HJURP: variants seen among roughly 807,000 people sequenced by gnomAD.
The protein encoded by HJURP is 14-3-3-associated AKT substrate.
Under a neutral mutation model 72.0 loss-of-function variants are expected in HJURP, and 49 were observed. That is an observed-to-expected ratio of 0.68 (90% CI 0.54 to 0.86). HJURP has a LOEUF of 0.86. HJURP is among the 40% of genes least tolerant of loss of function. HJURP has a pLI of 0.00. For missense variants in HJURP, 908 were observed against 936.3 expected, an observed-to-expected ratio of 0.97 and a Z score of 0.39; for synonymous variants, 357 against 347.1, an observed-to-expected ratio of 1.03 and a Z score of -0.32.
chr2:233,843,681 G>C (rs1310188882), intron 7 of HJURP, among the ~76,000 whole-genome samples: 1 of 152,164 alleles, frequency 6.6e-6, no homozygotes, highest in Non-Finnish European at 1.5e-5. Flanking sequence ...GAAACGATCA[G>C]GCAAACCAGA....
chr2:233,837,357 GC>G lies in HJURP; in HGVS notation c.*219del. The G allele has an allele frequency of 2.7e-6, 1 of 363,922 alleles. No homozygotes were observed. Among genetic ancestry groups the G allele is most frequent in the Middle Eastern group, 7.9e-4 (1 of 1,260 alleles). 22.5% of individuals were successfully genotyped at this position (363,922 alleles called of 1,614,324 possible). A position where few individuals can be genotyped will look rare whatever the true frequency, so the allele number is the denominator to read the frequency against. ...AAAAACACACACATCAGAAAAACAG[GC>G]CTATCAAAGAGAACCCTAAAAATTC... On this transcript the variant is annotated 3_prime_UTR_variant, in exon 9 of 9. Transcript: ENST00000411486.
At chr2:233,842,317 C>T (rs1432190153) in intron 7 of HJURP, 112 bp from the exon 8 acceptor site, 11 of 794,614 alleles carry the variant, frequency 1.4e-5, no homozygotes, top group Non-Finnish European at 2.2e-5. Flanking sequence ...TAAGCAATAG[C>T]AAAAACAAAA....
chr2:233,849,893 T>G (rs685139), intron 3 of HJURP, 34 bp from the exon 4 acceptor site: 2 of 1,286,754 alleles, frequency 1.6e-6, no homozygotes, highest in African/African-American at 1.5e-5. Flanking sequence ...AACATGGTTG[T>G]TTGAGTGACA....
chr2:233,841,353 C>T lies in HJURP; in HGVS notation c.1427G>A (p.Gly476Asp), dbSNP rs1328387019. Residue 476 changes from glycine to aspartate, a missense_variant, in exon 8 of 9, where the codon GGC becomes GAC. Gly to Asp is a moderately conservative substitution (Grantham distance 94, BLOSUM62 -1). Coordinates refer to ENST00000411486, the MANE Select transcript of HJURP (RefSeq NM_018410.5). ...CCTGCGGGTTTCTAAGCCCTGAAGG[C>T]CACCAGGACTCGCAGGACCCCCTCT... is the stretch of plus-strand genomic sequence containing the variant. ...MYRGGPASPGGLQGLETRRLS... is the reference protein window; with the variant it reads ...MYRGGPASPGDLQGLETRRLS... The T allele has an allele frequency of 6.2e-7, 1 of 1,614,014 alleles. No homozygotes were observed. Among genetic ancestry groups the T allele is most frequent in the Non-Finnish European group, 8.5e-7 (1 of 1,180,036 alleles).
At chr2:233,847,489 C>A (rs773548752) in intron 4 of HJURP, 28 bp from the exon 5 acceptor site, 7 of 1,589,778 alleles carry the variant, frequency 4.4e-6, no homozygotes, top group Non-Finnish European at 6.0e-6. Context: ...AAATCTCAAT[C>A]AGGATTTTCA....
intron 8 of HJURP, among the ~76,000 whole-genome samples, chr2:233,838,727 G>T (rs1338935283): frequency 6.6e-6 from 1 of 152,222 alleles, no homozygotes; most frequent in Admixed American, 6.5e-5. Flanking sequence ...CAACTGAGAA[G>T]GAGACTCTTG....
chr2:233,847,718 A>T (rs1399606125), intron 4 of HJURP, among the ~76,000 whole-genome samples: 6 of 152,176 alleles, frequency 3.9e-5, no homozygotes, highest in Admixed American at 3.9e-4. Flanking sequence ...ATGGCCTCTG[A>T]GCCTGGAAGT....
chr2:233,854,513 G>C lies in HJURP; in HGVS notation c.-13C>G. 1 of 1,593,370 alleles carries C rather than the reference G, an allele frequency of 6.3e-7. No individual in the cohort carries two copies. The highest frequency in any genetic ancestry group is 1.1e-5 in the South Asian group (1 of 89,702). The stretch of plus-strand genomic sequence containing the variant: ...GCGTACCCAGCATCGGACCCAGCCA[G>C]TACCCAAGCGCCAACCCGGACTGCA... On this transcript the variant is annotated 5_prime_UTR_variant, in exon 1 of 9. Coordinates refer to ENST00000411486, the MANE Select transcript of HJURP (RefSeq NM_018410.5).
rs767573385 is a variant in HJURP, at chr2:233,845,855, C to T, written c.403-35G>A. The T allele has an allele frequency of 7.7e-6, 11 of 1,437,740 alleles. No individual in the cohort carries two copies. The Admixed American group carries it at 1.6e-4, about 20-fold the overall frequency. 89.1% of individuals were successfully genotyped at this position (1,437,740 alleles called of 1,614,324 possible). A position where few individuals can be genotyped will look rare whatever the true frequency, so the allele number is the denominator to read the frequency against. On this transcript the variant is annotated intron_variant, in intron 5 of 8. Transcript: ENST00000411486. ...AAAGAGAAGTCAGAATTTTTAAGAG[C>T]TTCTGAGTATAGCTGACCTTTTGGC...
At position 233,841,605 on chromosome 2, in the gene HJURP, G is replaced by T. The variant is rs750936175; in HGVS notation, c.1175C>A (p.Ser392Tyr). 4 of 1,614,154 alleles carry T rather than the reference G, an allele frequency of 2.5e-6. No individual in the cohort carries two copies. The highest frequency in any genetic ancestry group is 3.4e-6 in the Non-Finnish European group (4 of 1,180,004). The part of the protein sequence containing the change: ...SKYSSLIYFD[S>Y]SATYNLDEEN... ...CTCATCAAGATTATATGTTGCACTG[G>T]AGTCGAAGTAAATCAAGGAAGAATA... The change falls in exon 8 of 9, where the codon TCC becomes TAC. Residue 392 changes from serine to tyrosine, a missense_variant. Ser to Tyr is a moderately radical substitution (Grantham distance 144, BLOSUM62 -2). Transcript: ENST00000411486.
chr2:233,840,585 T>C, intron 8 of HJURP, 24 bp downstream of exon 8: 1 of 1,548,164 alleles, frequency 6.5e-7, no homozygotes, highest in Non-Finnish European at 8.7e-7. Flanking sequence ...ATAAACCACA[T>C]TCAACCAACA....
chr2:233,853,228 T>G (rs1705538124), intron 2 of HJURP, among the ~76,000 whole-genome samples: 1 of 152,224 alleles, frequency 6.6e-6, no homozygotes, highest in Non-Finnish European at 1.5e-5. Context: ...TAAGTGATAC[T>G]GAGTTAGTTA....
chr2:233,840,165 C>G (rs1241554026), intron 8 of HJURP, among the ~76,000 whole-genome samples: 2 of 151,498 alleles, frequency 1.3e-5, no homozygotes, highest in African/African-American at 4.9e-5. Context: ...TCGTGGCTCT[C>G]CCAGGCCACT....
intron 7 of HJURP, among the ~76,000 whole-genome samples, chr2:233,842,879 TGGGAGA>T (rs1182826948): frequency 2.0e-5 from 3 of 152,148 alleles, no homozygotes; most frequent in Non-Finnish European, 4.4e-5. Context: ...TGGTGAGAAC[TGGGAGA>T]GGCAGATATG....
In HJURP at chr2:233,846,705, GCGT is replaced by G. The variant is rs1705370326; in HGVS notation, c.402+689_402+691del. 6.6e-6 allele frequency among the ~76,000 whole-genome samples: 1 copy of G among 152,150 alleles called. No individual in the cohort carries two copies. Among genetic ancestry groups the G allele is most frequent in the Non-Finnish European group, 1.5e-5 (1 of 68,036 alleles). On this transcript the variant is annotated intron_variant, in intron 5 of 8. Coordinates refer to ENST00000411486, the MANE Select transcript of HJURP (RefSeq NM_018410.5). The surrounding 1 kb of genome is among the most constrained non-coding windows in gnomAD (Gnocchi z 4.3). The stretch of plus-strand genomic sequence containing the variant: ...TAGTCACTGAAAGTCACACATGGGT[GCGT>G]GGGAAACCCTCTGCACAAAAGTAGC...
Position 233,837,625 on chromosome 2 carries a change from T to G in HJURP, c.2199A>C (p.Glu733Asp), listed in dbSNP as rs779703532. ...TTTCTAGCATGAAATCACTTTTCTC[T>G]TCCATCCTGTAAGACGTGTTCTCTC... is the stretch of plus-strand genomic sequence containing the variant. Reference protein sequence around the residue: ...ERGENTSYRMEEKSDFMLEKL... With the variant: ...ERGENTSYRMDEKSDFMLEKL... Residue 733 changes from glutamate (E) to aspartate (D), a missense_variant, in exon 9 of 9, where the codon GAA (glutamate) becomes GAC (aspartate). Physicochemically the swap from Glu to Asp is conservative, Grantham distance 45. This residue lies in a region of HJURP where 598 missense variants were observed against 619.5 expected (regional missense o/e 0.97). Transcript: ENST00000411486. 17 of 1,611,534 alleles carry G rather than the reference T, an allele frequency of 1.1e-5. No individual in the cohort carries two copies. In the South Asian group the frequency reaches 1.5e-4, roughly 15 times the overall value.
intron 4 of HJURP, among the ~76,000 whole-genome samples, chr2:233,849,352 G>A (rs910591298): frequency 6.6e-6 from 1 of 152,164 alleles, no homozygotes; most frequent in Admixed American, 6.5e-5. Context: ...CCCTAGAAAA[G>A]AGGACAGGAT....
chr2:233,845,964 T>C (rs754479337), intron 5 of HJURP, 144 bp from the exon 6 acceptor site: 93 of 581,798 alleles, frequency 1.6e-4, no homozygotes, highest in Non-Finnish European at 2.7e-4. Flanking sequence ...ATGATGTTAT[T>C]CAAAGTCACT....
In HJURP at chr2:233,846,136, C is replaced by A; in HGVS notation, c.403-316G>T. ...AGGACTCAACTACTGGTAATAACTTCAAACTGGTAAGTTTATAAGAAATTC... is the reference window on the plus strand; with the variant it reads ...AGGACTCAACTACTGGTAATAACTTAAAACTGGTAAGTTTATAAGAAATTC... On this transcript the variant is annotated intron_variant, in intron 5 of 8. Coordinates refer to ENST00000411486, the MANE Select transcript of HJURP (RefSeq NM_018410.5). The surrounding 1 kb of genome is among the most constrained non-coding windows in gnomAD (Gnocchi z 4.3). 4.5e-6 allele frequency: 1 copy of A among 221,460 alleles called. No homozygotes were observed. Among genetic ancestry groups the A allele is most frequent in the Non-Finnish European group, 9.0e-6 (1 of 111,728 alleles). The allele number at this position is 221,460 out of a possible 1,614,324, so 13.7% of individuals were successfully genotyped here. A position where few individuals can be genotyped will look rare whatever the true frequency, so the allele number is the denominator to read the frequency against.
Sources: allele counts gnomAD v4.1 joint callset (sites outside exome capture counted in the v4.1 genomes callset), GRCh38; gene constraint gnomAD v4.1.1; regional missense constraint gnomAD v4.1.1; non-coding constraint Gnocchi (gnomAD v3.1); transcripts MANE v1.5; gene names NCBI Gene and HGNC (gene_info 2026-07-23, HGNC 2026-07-21).